The following PLEKHG2 variants were observed in gnomAD, a reference collection of about 807,000 sequenced individuals.
PLEKHG2 encodes pleckstrin homology domain-containing family G member 2.
In PLEKHG2, 71 loss-of-function variants were observed where a neutral mutation model predicts 104.4. The ratio of observed to expected loss-of-function variants is 0.68; its 90% CI spans 0.56 to 0.83. The LOEUF (loss-of-function observed/expected upper bound fraction) is 0.83. Ranked by LOEUF, PLEKHG2 falls within the 40% of genes least tolerant of loss-of-function variation. The pLI is 0.00. For missense variants in PLEKHG2, 1,730 were observed against 1,809.4 expected, an observed-to-expected ratio of 0.96 and a Z score of 0.80; for synonymous variants, 728 against 737.0, an observed-to-expected ratio of 0.99 and a Z score of 0.20.
chr19:39,422,876 G>A lies in PLEKHG2; in HGVS notation c.1822G>A (p.Gly608Arg). The change falls in exon 18 of 19, where the codon GGG becomes AGG. Residue 608 changes from glycine (G) to arginine (R), a missense_variant. Transcript: ENST00000425673. The stretch of plus-strand genomic sequence containing the variant: ...GGAAGGGCTGGAGATGGATGAACGG[G>A]GGCCTTCCCCACTCCACGTCCTGGA... ...EEEGLEMDER[G>R]PSPLHVLEGL... 10 of 1,584,784 alleles carry A rather than the reference G, an allele frequency of 6.3e-6. No individual in the cohort carries two copies. The highest frequency in any genetic ancestry group is 8.6e-6 in the Non-Finnish European group (10 of 1,163,730).
rs1031049826 is a variant in PLEKHG2, at chr19:39,420,673, T to C, written c.1297+14T>C. ...ACAGCCTGCATTGTGAGTTGGGGCC[T>C]TGGGCTGGGAGGGTGTGGAAGTAGA... is the stretch of plus-strand genomic sequence containing the variant. On this transcript the variant is annotated intron_variant, in intron 12 of 18. Transcript: ENST00000425673. The C allele has an allele frequency of 1.5e-5, 25 of 1,614,160 alleles. No individual in the cohort carries two copies. The highest frequency in any genetic ancestry group is 2.1e-5 in the Non-Finnish European group (25 of 1,180,002).
chr19:39,416,712 T>C lies in PLEKHG2; in HGVS notation c.593+115T>C. 6.8e-7 allele frequency: 1 copy of C among 1,471,696 alleles called. No homozygotes were observed. The allele number at this position is 1,471,696 out of a possible 1,614,324, so 91.2% of individuals were successfully genotyped here. A position where few individuals can be genotyped will look rare whatever the true frequency, so the allele number is the denominator to read the frequency against. On this transcript the variant is annotated intron_variant, in intron 6 of 18. Transcript: ENST00000425673. This position sits in a 1 kb window ranked among gnomAD's most constrained non-coding sequence, Gnocchi z 4.5. Reference sequence around the variant, plus strand: ...TCCAGCACCGACCCCTGCCAGGCTGTGACAGTAACTGACCTCTCCCTCACT... The same window carrying C: ...TCCAGCACCGACCCCTGCCAGGCTGCGACAGTAACTGACCTCTCCCTCACT...
chr19:39,422,179 C>A lies in PLEKHG2; in HGVS notation c.1568C>A (p.Pro523His). 1.2e-6 allele frequency: 2 copies of A among 1,613,876 alleles called. No individual in the cohort carries two copies. The highest frequency in any genetic ancestry group is 1.7e-6 in the Non-Finnish European group (2 of 1,179,946). ...ESQPPVSGSA[P>H]PEDLEDAGPP... ...CAGCCACCAGTTTCAGGCTCTGCAC[C>A]CCCTGAGGACCTGGAGGATGCTGGA... Residue 523 changes from proline to histidine, a missense_variant, in exon 17 of 19, where the codon CCC (proline) becomes CAC (histidine). Pro to His is a moderately conservative substitution (Grantham distance 77). Coordinates refer to ENST00000425673, the MANE Select transcript of PLEKHG2 (RefSeq NM_022835.3).
chr19:39,418,025 C>T lies in PLEKHG2; in HGVS notation c.1003C>T (p.Arg335Trp), dbSNP rs1319918473. 8.3e-6 allele frequency: 13 copies of T among 1,559,906 alleles called. No individual in the cohort carries two copies. Among genetic ancestry groups the T allele is most frequent in the Non-Finnish European group, 1.1e-5 (13 of 1,153,790 alleles). The change falls in exon 9 of 19, where the codon CGG becomes TGG. Residue 335 changes from arginine (R) to tryptophan (W), a missense_variant. Arg to Trp is a moderately radical substitution (Grantham distance 101). Transcript: ENST00000425673. ...GGGPRLRGGE[R>W]LLFLFSRMLL... ...TGGCCCCCGGCTACGAGGGGGTGAGCGGCTGCTCTTCCTGTTCTCTCGGAT... is the reference window on the plus strand; with the variant it reads ...TGGCCCCCGGCTACGAGGGGGTGAGTGGCTGCTCTTCCTGTTCTCTCGGAT...
chr19:39,424,804 A>C lies in PLEKHG2; in HGVS notation c.3671A>C (p.Gln1224Pro). ...LPERGGSLDI[Q>P]GLSPTPVQTT... Reference sequence around the variant, plus strand: ...GAGAGAGGAGGCTCTCTAGACATTCAGGGCCTCTCACCCACCCCAGTTCAG... The same window carrying C: ...GAGAGAGGAGGCTCTCTAGACATTCCGGGCCTCTCACCCACCCCAGTTCAG... Residue 1224 changes from glutamine (Q) to proline (P), a missense_variant, in exon 19 of 19, where the codon CAG (glutamine) becomes CCG (proline). By Grantham distance (76) the Gln-to-Pro change is moderately conservative. Transcript: ENST00000425673. 6.2e-7 allele frequency: 1 copy of C among 1,614,132 alleles called. No individual in the cohort carries two copies. The highest frequency in any genetic ancestry group is 8.5e-7 in the Non-Finnish European group (1 of 1,180,006).
rs1481603241 is a variant in PLEKHG2 at position 39,424,420 on chromosome 19, C to G, written c.3287C>G (p.Pro1096Arg). Residue 1096 changes from proline (P) to arginine (R), a missense_variant, in exon 19 of 19, where the codon CCC (proline) becomes CGC (arginine). Transcript: ENST00000425673. ...CAGGGCCCAGGCGACACCCTACCAC[C>G]CTTGCCATGTCACCTCCCAGACCTT... Reference protein sequence around the residue: ...DPQGPGDTLPPLPCHLPDLQI... With the variant: ...DPQGPGDTLPRLPCHLPDLQI... 2 of 1,614,162 alleles carry G rather than the reference C, an allele frequency of 1.2e-6. No individual in the cohort carries two copies. Among genetic ancestry groups the G allele is most frequent in the South Asian group, 2.2e-5 (2 of 91,080 alleles).
chr19:39,417,992 G>C lies in PLEKHG2; in HGVS notation c.970G>C (p.Gly324Arg). 1.3e-6 allele frequency: 2 copies of C among 1,556,010 alleles called. No homozygotes were observed. Among genetic ancestry groups the C allele is most frequent in the Non-Finnish European group, 1.7e-6 (2 of 1,152,686 alleles). ...GTTGGAGGGCGCGTTCCGAGGAGGC[G>C]GAGGGGGTGGCCCCCGGCTACGAGG... ...LVLEGAFRGG[G>R]GGGPRLRGGE... The change falls in exon 9 of 19, where the codon GGA becomes CGA. Residue 324 changes from glycine (G) to arginine (R), a missense_variant. Gly to Arg is a moderately radical substitution (Grantham distance 125). Coordinates refer to ENST00000425673, the MANE Select transcript of PLEKHG2 (RefSeq NM_022835.3).
At chr19:39,414,263 G>A (rs1161137763) in intron 2 of PLEKHG2, 68 bp downstream of exon 2, 22 of 1,466,754 alleles carry the variant, frequency 1.5e-5, no homozygotes, top group Middle Eastern at 3.5e-4. Context: ...GTCAAGGCAG[G>A]GTGATGGAGA....
At position 39,422,247 on chromosome 19, in the gene PLEKHG2, A is replaced by G. The variant is rs2078710207; in HGVS notation, c.1636A>G (p.Ile546Val). ...DPSGTSITEE[I>V]LELLNQRGLR... Reference sequence around the variant, plus strand: ...CTCTGGGACCTCAATCACTGAAGAAATCCTGGAACTGCTGAATCAGCGAGG... The same window carrying G: ...CTCTGGGACCTCAATCACTGAAGAAGTCCTGGAACTGCTGAATCAGCGAGG... Residue 546 changes from isoleucine to valine, a missense_variant, in exon 17 of 19, where the codon ATC becomes GTC. Ile to Val is a conservative substitution (Grantham distance 29). Coordinates refer to ENST00000425673, the MANE Select transcript of PLEKHG2 (RefSeq NM_022835.3). 6.2e-7 allele frequency: 1 copy of G among 1,613,636 alleles called. No individual in the cohort carries two copies. Among genetic ancestry groups the G allele is most frequent in the South Asian group, 1.1e-5 (1 of 90,936 alleles).
Position 39,417,580 on chromosome 19 carries a change from G to GC in PLEKHG2, c.773dup (p.Gly259ArgfsTer76). ...GAACTAGGGAAGCACTGGGCGGAGG[G>GC]CCCAGGCACTGGGGGTCGCGAGATG... On this transcript the variant is annotated frameshift_variant, in exon 8 of 19. Transcript: ENST00000425673. LOFTEE classifies it high-confidence loss of function. 6.2e-7 allele frequency: 1 copy of GC among 1,614,126 alleles called. No homozygotes were observed. The highest frequency in any genetic ancestry group is 2.2e-5 in the East Asian group (1 of 44,872).
intron 11 of PLEKHG2, among the ~76,000 whole-genome samples, chr19:39,419,738 G>T (rs1192668643): frequency 6.6e-6 from 1 of 152,144 alleles, no homozygotes. Context: ...TTAGCCAGGC[G>T]TGGTGGCAGG....
chr19:39,420,839 G>A lies in PLEKHG2; in HGVS notation c.1386G>A (p.Gly462=), dbSNP rs149311978. ...RPRDARSFTP[G]RRNTAPSPGP... ...GAGATGCTAGAAGTTTTACCCCTGGGCGAAGGAACACAGGTAAAGGCGGTG... is the reference window on the plus strand; with the variant it reads ...GAGATGCTAGAAGTTTTACCCCTGGACGAAGGAACACAGGTAAAGGCGGTG... Residue 462 remains glycine, a synonymous_variant, in exon 13 of 19, where the codon GGG becomes GGA. Coordinates refer to ENST00000425673, the MANE Select transcript of PLEKHG2 (RefSeq NM_022835.3). 5.8e-4 allele frequency: 935 copies of A among 1,614,136 alleles called. 3 individuals carry two copies. In the African/African-American group the frequency reaches 0.01, roughly 17 times the overall value.
At chr19:39,417,843 T>C in intron 8 of PLEKHG2, 62 bp from the exon 9 acceptor site, 2 of 1,505,310 alleles carry the variant, frequency 1.3e-6, no homozygotes, top group Non-Finnish European at 1.8e-6. Context: ...TTGGTGTGTA[T>C]GTGTGTGCCA....
rs528153099 is a variant in PLEKHG2 at position 39,420,502 on chromosome 19, G to A, written c.1264-124G>A. On this transcript the variant is annotated intron_variant, in intron 11 of 18. Coordinates refer to ENST00000425673, the MANE Select transcript of PLEKHG2 (RefSeq NM_022835.3). ...TTGCACCACTGTACTCCAACCTGGC[G>A]TATAGAGCAAGATCTAAAAACAAAA... is the stretch of plus-strand genomic sequence containing the variant. 1.2e-4 allele frequency: 142 copies of A among 1,229,786 alleles called. No individual in the cohort carries two copies. In the African/African-American group the frequency reaches 1.3e-3, roughly 11 times the overall value. 76.2% of individuals were successfully genotyped at this position (1,229,786 alleles called of 1,614,324 possible).
chr19:39,422,657 G>A, intron 17 of PLEKHG2, 75 bp from the exon 18 acceptor site: 1 of 1,471,000 alleles, frequency 6.8e-7, no homozygotes, highest in African/African-American at 1.4e-5. Flanking sequence ...CCAAAGTGCT[G>A]GGATTACAGG....
rs537581418 is a variant in PLEKHG2, at chr19:39,425,077, G to A, written c.3944G>A (p.Arg1315Gln). The A allele has an allele frequency of 1.7e-5, 27 of 1,592,324 alleles. No homozygotes were observed. The East Asian group carries it at 2.0e-4, about 12-fold the overall frequency. The change falls in exon 19 of 19, where the codon CGG becomes CAG. Residue 1315 changes from arginine (R) to glutamine (Q), a missense_variant. Physicochemically the swap from Arg to Gln is conservative, Grantham distance 43. Transcript: ENST00000425673. ...TCCTGGTCCTCTGCTCCCACGTCAC[G>A]GGCATCTTCGCCGCCCCCCCAGCCC... ...RGSWSSAPTS[R>Q]ASSPPPQPQP... is the part of the protein sequence containing the mutation.
At position 39,422,833 on chromosome 19, in the gene PLEKHG2, AGAG is replaced by A. The variant is rs769633733; in HGVS notation, c.1791_1793del (p.Glu600del). ...CCCTGCCCAGCCGGGACTCTTCAGA[AGAG>A]GAGGAGGAGGAAGAGGAAGGGCTGG... On this transcript the variant is annotated inframe_deletion, in exon 18 of 19. Coordinates refer to ENST00000425673, the MANE Select transcript of PLEKHG2 (RefSeq NM_022835.3). 48 of 1,562,070 alleles carry A rather than the reference AGAG, an allele frequency of 3.1e-5. No individual in the cohort carries two copies. The highest frequency in any genetic ancestry group is 1.8e-4 in the East Asian group (8 of 44,536).
chr19:39,423,349 A>T lies in PLEKHG2; in HGVS notation c.2295A>T (p.Ser765=). The change falls in exon 18 of 19, where the codon TCA becomes TCT. Residue 765 remains serine (S), a synonymous_variant. Coordinates refer to ENST00000425673, the MANE Select transcript of PLEKHG2 (RefSeq NM_022835.3). ...FPDELAFRSC[S]EIRSAWQALE... ...ATGAGCTGGCATTCCGCTCTTGCTC[A>T]GAAATCCGGAGCGCCTGGCAGGCAT... is the stretch of plus-strand genomic sequence containing the variant. 1 of 1,613,856 alleles carries T rather than the reference A, an allele frequency of 6.2e-7. No individual in the cohort carries two copies. The highest frequency in any genetic ancestry group is 1.1e-5 in the South Asian group (1 of 91,068).
chr19:39,418,713 T>C, intron 9 of PLEKHG2, 21 bp from the exon 10 acceptor site: 1 of 1,600,214 alleles, frequency 6.2e-7, no homozygotes, highest in Non-Finnish European at 8.6e-7. Context: ...CTGAGCTTGC[T>C]ACCCCTCTCT....
Sources: allele counts gnomAD v4.1 joint callset (sites outside exome capture counted in the v4.1 genomes callset), GRCh38; gene constraint gnomAD v4.1.1; non-coding constraint Gnocchi (gnomAD v3.1); transcripts MANE v1.5; gene names NCBI Gene and HGNC (gene_info 2026-07-23, HGNC 2026-07-21).